The following ELAPOR2 variants were observed in gnomAD, a reference collection of about 807,000 sequenced individuals.
ELAPOR2 encodes the protein endosome-lysosome associated apoptosis and autophagy regulator family member 2, also known as endosome/lysosome-associated apoptosis and autophagy regulator family member 2.
A neutral mutation model predicts 120.7 loss-of-function variants in ELAPOR2; 89 were observed. The ratio of observed to expected loss-of-function variants is 0.74; its 90% CI spans 0.62 to 0.88. The LOEUF is 0.88. Ranked by LOEUF, ELAPOR2 falls within the 40% of genes least tolerant of loss-of-function variation. ELAPOR2 has a pLI of 0.00. For synonymous variants in ELAPOR2, 444 were observed against 444.9 expected (o/e 1.00, Z 0.03); for missense variants, 1,134 against 1,251.6 (o/e 0.91, Z 1.42).
chr7:86,971,102 C>T (rs1025313138), intron 1 of ELAPOR2, among the ~76,000 whole-genome samples: 2 of 152,074 alleles, frequency 1.3e-5, no homozygotes, highest in African/African-American at 4.8e-5. Flanking sequence ...GGCTCTCAAT[C>T]GCTGTAAAAA....
intron 1 of ELAPOR2, among the ~76,000 whole-genome samples, chr7:86,970,509 G>A (rs546347572): frequency 6.6e-6 from 1 of 152,266 alleles, no homozygotes; most frequent in Non-Finnish European, 1.5e-5. Flanking sequence ...ATTTGAGAGA[G>A]CAAAATGGCA....
chr7:86,990,499 C>T (rs1792909208), intron 1 of ELAPOR2, among the ~76,000 whole-genome samples: 1 of 152,108 alleles, frequency 6.6e-6, no homozygotes, highest in South Asian at 2.1e-4. Flanking sequence ...TGACCTTGGC[C>T]TTCCCAGCCT....
intron 13 of ELAPOR2, among the ~76,000 whole-genome samples, chr7:86,914,344 A>G (rs1326506202): frequency 6.6e-6 from 1 of 152,176 alleles, no homozygotes; most frequent in Non-Finnish European, 1.5e-5. Flanking sequence ...ACACTAGTTA[A>G]TGGCTCTTAA....
At chr7:87,030,377 C>T (rs1010584794) in intron 1 of ELAPOR2, among the ~76,000 whole-genome samples, 1 of 151,554 alleles carries the variant, frequency 6.6e-6, no homozygotes, top group Admixed American at 6.6e-5. Context: ...TAAAAGAATG[C>T]TTATCTTGTT....
chr7:86,972,949 G>C (rs1028619175), intron 1 of ELAPOR2, among the ~76,000 whole-genome samples: 3 of 152,050 alleles, frequency 2.0e-5, no homozygotes, highest in African/African-American at 7.2e-5. Context: ...AACTCTGTAA[G>C]CTTTCCAAAA....
At chr7:86,987,110 T>C in intron 1 of ELAPOR2, among the ~76,000 whole-genome samples, 1 of 152,126 alleles carries the variant, frequency 6.6e-6, no homozygotes, top group Non-Finnish European at 1.5e-5. Context: ...ATTTCCTATT[T>C]AATAAATGGT....
chr7:86,999,747 A>G (rs1008311954), intron 1 of ELAPOR2, among the ~76,000 whole-genome samples: 2 of 152,148 alleles, frequency 1.3e-5, no homozygotes, highest in African/African-American at 2.4e-5. Flanking sequence ...AAGAGGATGA[A>G]TCTAGAGTAT....
intron 21 of ELAPOR2, among the ~76,000 whole-genome samples, chr7:86,880,901 T>G (rs762558918): frequency 6.6e-6 from 1 of 151,590 alleles, no homozygotes; most frequent in Non-Finnish European, 1.5e-5. Flanking sequence ...AAAACAGAAC[T>G]GACTAAATAT....
intron 18 of ELAPOR2, among the ~76,000 whole-genome samples, chr7:86,900,262 C>T (rs1055095424): frequency 1.1e-4 from 17 of 151,928 alleles, no homozygotes; most frequent in African/African-American, 4.1e-4. Context: ...ATCAAAGTTG[C>T]AAAAACTTCT....
chr7:87,039,747 G>A (rs981339907), intron 1 of ELAPOR2, among the ~76,000 whole-genome samples: 8 of 152,138 alleles, frequency 5.3e-5, no homozygotes, highest in Admixed American at 4.6e-4. Context: ...AGGTATAGAA[G>A]GAACATACCG....
Position 86,890,838 on chromosome 7 carries a change from A to G in ELAPOR2, c.3030+886T>C, listed in dbSNP as rs78227111. Among the ~76,000 whole-genome samples, 843 of 152,174 alleles carry G rather than the reference A, an allele frequency of 5.5e-3. 8 individuals carry two copies. Among genetic ancestry groups the G allele is most frequent in the African/African-American group, 0.019 (783 of 41,544 alleles). ...CATTTTTACTCTTAAATAATTCCCT[A>G]TATTTATGTGCCTAAATTAGGAGAG... is the stretch of plus-strand genomic sequence containing the variant. On this transcript the variant is annotated intron_variant, in intron 21 of 21. Transcript: ENST00000450689.
In ELAPOR2 at chr7:87,022,226, C is replaced by T. The variant is rs1006924777; in HGVS notation, c.189+37099G>A. On this transcript the variant is annotated intron_variant, in intron 1 of 21. Transcript: ENST00000450689. ...TTATATCTCCTAATGCTATCCCTCC[C>T]CCCTCCCCCCACCCCACAACAGGCC... Among the ~76,000 whole-genome samples, 11 of 106,680 alleles carry T rather than the reference C, an allele frequency of 1.0e-4. 1 individual carries two copies. Among genetic ancestry groups the T allele is most frequent in the African/African-American group, 3.6e-4 (10 of 27,636 alleles). 70.0% of individuals were successfully genotyped at this position (106,680 alleles called of 152,430 possible).
chr7:86,913,872 A>G (rs1442718603), intron 13 of ELAPOR2, among the ~76,000 whole-genome samples: 1 of 152,188 alleles, frequency 6.6e-6, no homozygotes. Context: ...ATCGGTACAG[A>G]GCAGTGTTAC....
At chr7:86,951,611 A>C (rs1791247663) in intron 2 of ELAPOR2, among the ~76,000 whole-genome samples, 1 of 152,194 alleles carries the variant, frequency 6.6e-6, no homozygotes, top group Admixed American at 6.5e-5. Flanking sequence ...TACTTTACAA[A>C]CACAGTAAAT....
chr7:86,978,649 C>T (rs1401660209), intron 1 of ELAPOR2, among the ~76,000 whole-genome samples: 1 of 152,214 alleles, frequency 6.6e-6, no homozygotes, highest in Admixed American at 6.5e-5. Context: ...TGATTATCAT[C>T]CCAGCACCAT....
chr7:86,887,066 G>T (rs1422905168), intron 21 of ELAPOR2, among the ~76,000 whole-genome samples: 5 of 152,236 alleles, frequency 3.3e-5, no homozygotes, highest in Non-Finnish European at 7.4e-5. Context: ...GCCAATGGCT[G>T]GCTGTTTTGT....
At chr7:87,035,087 CAAA>C (rs1167618353) in intron 1 of ELAPOR2, among the ~76,000 whole-genome samples, 2,372 of 83,314 alleles carry the variant, frequency 0.028, 71 homozygotes, top group African/African-American at 0.092. Context: ...AACTCCGTCT[CAAA>C]AAAAAAAAAA....
At chr7:87,031,782 TTA>T (rs757964237) in intron 1 of ELAPOR2, among the ~76,000 whole-genome samples, 2 of 152,176 alleles carry the variant, frequency 1.3e-5, no homozygotes, top group African/African-American at 2.4e-5. Context: ...TACAACTATA[TTA>T]TGTTAAAAAT....
chr7:86,968,371 A>G (rs910213186), intron 1 of ELAPOR2, among the ~76,000 whole-genome samples: 1 of 152,228 alleles, frequency 6.6e-6, no homozygotes, highest in Non-Finnish European at 1.5e-5. Flanking sequence ...TAGCAAGTCA[A>G]CCAGTAAGAT....
Sources: allele counts gnomAD v4.1 joint callset (sites outside exome capture counted in the v4.1 genomes callset), GRCh38; gene constraint gnomAD v4.1.1; transcripts MANE v1.5; gene names NCBI Gene and HGNC (gene_info 2026-07-23, HGNC 2026-07-21).